The following THSD7A variants were observed in gnomAD, a reference collection of about 807,000 sequenced individuals.
The protein encoded by THSD7A is thrombospondin type-1 domain-containing protein 7A.
Under a neutral mutation model 231.3 loss-of-function variants are expected in THSD7A, and 96 were observed. The observed-to-expected ratio is 0.41, with a 90% confidence interval of 0.35 to 0.49. The LOEUF is 0.49. THSD7A is among the 20% of genes least tolerant of loss of function. THSD7A has a pLI of 0.05. For synonymous variants in THSD7A, 940 were observed against 743.3 expected, an observed-to-expected ratio of 1.26 and a Z score of -4.30; for missense variants, 2,290 against 2,070.2, an observed-to-expected ratio of 1.11 and a Z score of -2.06.
intron 2 of THSD7A, among the ~76,000 whole-genome samples, chr7:11,616,114 T>C (rs1035589502): frequency 1.3e-5 from 2 of 152,212 alleles, no homozygotes; most frequent in African/African-American, 2.4e-5. Context: ...CTTTGTTATA[T>C]ACTAAAGTTT....
intron 13 of THSD7A, among the ~76,000 whole-genome samples, chr7:11,442,334 T>C (rs1389860533): frequency 6.6e-6 from 1 of 151,958 alleles, no homozygotes; most frequent in Non-Finnish European, 1.5e-5. Flanking sequence ...TAAAATAATA[T>C]AATTAAGCTG....
intron 1 of THSD7A, among the ~76,000 whole-genome samples, chr7:11,755,997 T>C (rs957307300): frequency 6.6e-6 from 1 of 152,060 alleles, no homozygotes; most frequent in Admixed American, 6.6e-5. Flanking sequence ...CACTTATATT[T>C]CTAAGTTTCA....
chr7:11,687,351 C>T (rs1263537724), intron 1 of THSD7A, among the ~76,000 whole-genome samples: 2 of 151,832 alleles, frequency 1.3e-5, no homozygotes, highest in Non-Finnish European at 2.9e-5. Flanking sequence ...AATGACTGTC[C>T]TATGATAGAG....
chr7:11,563,161 T>G (rs1293751025), intron 4 of THSD7A, among the ~76,000 whole-genome samples: 1 of 151,782 alleles, frequency 6.6e-6, no homozygotes, highest in African/African-American at 2.4e-5. Flanking sequence ...TTTCTCAGCC[T>G]GGTTAATATA....
At chr7:11,566,041 G>C (rs1437303125) in intron 4 of THSD7A, among the ~76,000 whole-genome samples, 1 of 135,904 alleles carries the variant, frequency 7.4e-6, no homozygotes, top group African/African-American at 2.8e-5. Flanking sequence ...CTATGACAAG[G>C]CTCCTTAAAA....
chr7:11,480,736 C>T (rs1056995199), intron 7 of THSD7A, among the ~76,000 whole-genome samples: 1 of 152,098 alleles, frequency 6.6e-6, no homozygotes, highest in Non-Finnish European at 1.5e-5. Flanking sequence ...TAGGTGTGCA[C>T]AGTTGTTACA....
At chr7:11,802,925 A>G (rs1159307459) in intron 1 of THSD7A, among the ~76,000 whole-genome samples, 1 of 152,162 alleles carries the variant, frequency 6.6e-6, no homozygotes, top group East Asian at 1.9e-4. Context: ...GAGATCTTAG[A>G]CTCTTGGAAA....
At chr7:11,622,295 G>A (rs1258802109) in intron 2 of THSD7A, among the ~76,000 whole-genome samples, 2 of 151,844 alleles carry the variant, frequency 1.3e-5, no homozygotes, top group African/African-American at 4.8e-5. Context: ...AAGAAGGTAA[G>A]AACTTTGTTT....
At chr7:11,681,346 C>T (rs1783861997) in intron 1 of THSD7A, among the ~76,000 whole-genome samples, 1 of 151,984 alleles carries the variant, frequency 6.6e-6, no homozygotes, top group African/African-American at 2.4e-5. Context: ...CGTAACAAAC[C>T]TGCACATTCT....
chr7:11,560,374 A>C (rs1212805224), intron 4 of THSD7A, among the ~76,000 whole-genome samples: 2 of 152,166 alleles, frequency 1.3e-5, no homozygotes, highest in Admixed American at 1.3e-4. Flanking sequence ...TTTAACATGA[A>C]CAACTTCATA....
At chr7:11,562,423 C>A (rs1790113781) in intron 4 of THSD7A, among the ~76,000 whole-genome samples, 1 of 152,122 alleles carries the variant, frequency 6.6e-6, no homozygotes, top group African/African-American at 2.4e-5. Context: ...TTTAATAATT[C>A]ATTCATCCAT....
rs960766525 is a variant in THSD7A, at chr7:11,775,490, A to G, written c.190+56267T>C. On this transcript the variant is annotated intron_variant, in intron 1 of 27. Transcript: ENST00000423059. ...TGGATAAACAAAACGTGGTATGTAC[A>G]TACAATGAAAAATTATTCAGCCTTA... 2.0e-5 allele frequency among the ~76,000 whole-genome samples: 3 copies of G among 152,364 alleles called. No homozygotes were observed. The East Asian group carries it at 5.8e-4, about 29-fold the overall frequency.
intron 16 of THSD7A, among the ~76,000 whole-genome samples, chr7:11,423,462 G>A (rs1251125540): frequency 2.7e-5 from 4 of 149,474 alleles, no homozygotes; most frequent in African/African-American, 9.9e-5. Flanking sequence ...TCCGCCTCCC[G>A]GGTTCACGCC....
At chr7:11,760,971 T>C (rs1237914840) in intron 1 of THSD7A, among the ~76,000 whole-genome samples, 1 of 148,060 alleles carries the variant, frequency 6.8e-6, no homozygotes, top group Non-Finnish European at 1.5e-5. Context: ...TTATAATTTA[T>C]ATATTTATAT....
In THSD7A at chr7:11,444,407, TC is replaced by T. The variant is rs1784896915; in HGVS notation, c.3064+1653del. Among the ~76,000 whole-genome samples the T allele has an allele frequency of 6.6e-6, 1 of 151,920 alleles. No individual in the cohort carries two copies. The highest frequency in any genetic ancestry group is 2.1e-4 in the South Asian group (1 of 4,818). ...AAAGACTCGGAACCAACCCAAATGC[TC>T]ATCAATGATATACTGGATAAAGAAA... On this transcript the variant is annotated intron_variant, in intron 13 of 27. Transcript: ENST00000423059. This position sits in a 1 kb window ranked among gnomAD's most constrained non-coding sequence, Gnocchi z 4.2.
At chr7:11,487,732 A>T (rs976158344) in intron 6 of THSD7A, among the ~76,000 whole-genome samples, 2 of 152,100 alleles carry the variant, frequency 1.3e-5, no homozygotes, top group African/African-American at 4.8e-5. Context: ...CCATTGAAAA[A>T]AACTACCAGA....
intron 1 of THSD7A, among the ~76,000 whole-genome samples, chr7:11,640,397 T>C (rs73292626): frequency 8.3e-4 from 127 of 152,312 alleles, no homozygotes; most frequent in African/African-American, 2.9e-3. Flanking sequence ...CAGTATATCA[T>C]TGATTATCTA....
At chr7:11,571,217 T>C (rs1458785184) in intron 4 of THSD7A, among the ~76,000 whole-genome samples, 1 of 152,198 alleles carries the variant, frequency 6.6e-6, no homozygotes, top group Non-Finnish European at 1.5e-5. Context: ...GGTTCCACTA[T>C]ATGAGGCTCT....
intron 24 of THSD7A, among the ~76,000 whole-genome samples, chr7:11,380,923 C>T (rs1782488254): frequency 6.6e-6 from 1 of 152,044 alleles, no homozygotes; most frequent in Non-Finnish European, 1.5e-5. Context: ...ATTCGACTTA[C>T]CTTTGCATTG....
Sources: allele counts gnomAD v4.1 joint callset (sites outside exome capture counted in the v4.1 genomes callset), GRCh38; gene constraint gnomAD v4.1.1; non-coding constraint Gnocchi (gnomAD v3.1); transcripts MANE v1.5; gene names NCBI Gene and HGNC (gene_info 2026-07-23, HGNC 2026-07-21).